CERKL: variants seen among roughly 807,000 people sequenced by gnomAD.
The protein encoded by CERKL is CERK like autophagy regulator, also known as ceramide kinase-like protein.
In CERKL, 61 loss-of-function variants were observed where a neutral mutation model predicts 63.4. The ratio of observed to expected loss-of-function variants is 0.96; its 90% CI spans 0.78 to 1.19. The LOEUF (loss-of-function observed/expected upper bound fraction) is 1.19, where lower values mean the gene tolerates loss of function less well. CERKL is among the 50% of genes most tolerant of loss of function. CERKL has a pLI of 0.00. For missense variants in CERKL, 675 were observed against 655.5 expected, an observed-to-expected ratio of 1.03 and a Z score of -0.33; for synonymous variants, 250 against 230.5, an observed-to-expected ratio of 1.08 and a Z score of -0.77.
chr2:181,646,518 T>G (rs1256105813), intron 1 of CERKL, among the ~76,000 whole-genome samples: 1 of 152,338 alleles, frequency 6.6e-6, no homozygotes, highest in East Asian at 1.9e-4. Flanking sequence ...TCTTGTAAAC[T>G]TACTAAATAT....
chr2:181,554,340 C>T (rs1378537629), intron 5 of CERKL, among the ~76,000 whole-genome samples: 2 of 152,022 alleles, frequency 1.3e-5, no homozygotes, highest in African/African-American at 2.4e-5. Context: ...CTCATGAAAA[C>T]GGCACCTACA....
chr2:181,650,275 G>A (rs554921206), intron 1 of CERKL, among the ~76,000 whole-genome samples: 6 of 152,236 alleles, frequency 3.9e-5, no homozygotes, highest in Admixed American at 6.5e-5. Context: ...GGTCAGTGAA[G>A]AAATTAAAAA....
At chr2:181,606,803 C>G (rs1359387004) in intron 1 of CERKL, among the ~76,000 whole-genome samples, 1 of 152,114 alleles carries the variant, frequency 6.6e-6, no homozygotes, top group Non-Finnish European at 1.5e-5. Context: ...ACAATCATTA[C>G]TATTACTAAA....
At position 181,538,042 on chromosome 2, in the gene CERKL, T is replaced by TGAAACCATTCCC. The variant is rs1687264759; in HGVS notation, c.*130_*141dup. On this transcript the variant is annotated 3_prime_UTR_variant, in exon 13 of 13. Coordinates refer to ENST00000410087, the MANE Select transcript of CERKL (RefSeq NM_201548.5). ...TGATCTGAGGTGGAACAGTTCATCCTGAAACCATTCCCCCATCCACGGAAA... is the reference window on the plus strand; with the variant it reads ...TGATCTGAGGTGGAACAGTTCATCCTGAAACCATTCCCGAAACCATTCCCCCATCCACGGAAA... 1.1e-5 allele frequency: 8 copies of TGAAACCATTCCC among 700,388 alleles called. 1 individual carries two copies. Among genetic ancestry groups the TGAAACCATTCCC allele is most frequent in the South Asian group, 1.1e-4 (7 of 66,548 alleles). 43.4% of individuals were successfully genotyped at this position (700,388 alleles called of 1,614,324 possible).
chr2:181,548,832 G>T lies in CERKL; in HGVS notation c.921C>A (p.Cys307Ter), dbSNP rs755238456. The T allele has an allele frequency of 6.2e-7, 1 of 1,613,974 alleles. No individual in the cohort carries two copies. Among genetic ancestry groups the T allele is most frequent in the Admixed American group, 1.7e-5 (1 of 59,994 alleles). Residue 307 changes from cysteine to a stop codon, truncating the protein, a stop_gained, in exon 7 of 13, where the codon TGC (cysteine) becomes TGA (stop). Coordinates refer to ENST00000410087, the MANE Select transcript of CERKL (RefSeq NM_201548.5). LOFTEE classifies it high-confidence loss of function. ...GAAGCTTGCCAGCGGTGCTGAAGGT[G>T]CAGACGTCGACCAGCTGTACATGCC... ...IMGHVQLVDVCTFSTAGKLLR... is the reference protein window; with the variant it reads ...IMGHVQLVDV
intron 11 of CERKL, among the ~76,000 whole-genome samples, chr2:181,543,791 C>G (rs1687608888): frequency 6.6e-6 from 1 of 152,036 alleles, no homozygotes; most frequent in Non-Finnish European, 1.5e-5. Flanking sequence ...CGAGACCAGC[C>G]TGACCAACAT....
chr2:181,651,650 C>T (rs1409685799), intron 1 of CERKL, among the ~76,000 whole-genome samples: 1 of 152,120 alleles, frequency 6.6e-6, no homozygotes, highest in East Asian at 1.9e-4. Context: ...ATTCAACATA[C>T]TACTGAAAGT....
At chr2:181,616,316 C>T (rs1362913799) in intron 1 of CERKL, among the ~76,000 whole-genome samples, 1 of 149,816 alleles carries the variant, frequency 6.7e-6, no homozygotes, top group Admixed American at 6.7e-5. Context: ...CAGGTTCACA[C>T]CATTCTCTTG....
chr2:181,631,082 C>T (rs935241435), intron 1 of CERKL, among the ~76,000 whole-genome samples: 1 of 152,112 alleles, frequency 6.6e-6, no homozygotes, highest in African/African-American at 2.4e-5. Context: ...GGATGCAATA[C>T]AGTCTAGGGA....
intron 1 of CERKL, among the ~76,000 whole-genome samples, chr2:181,633,626 T>C (rs1206537237): frequency 6.6e-6 from 1 of 152,104 alleles, no homozygotes; most frequent in East Asian, 1.9e-4. Flanking sequence ...TAGCTGTCTT[T>C]AAAAATGCAA....
Position 181,538,241 on chromosome 2 carries a change from C to T in CERKL, c.1542G>A (p.Leu514=), listed in dbSNP as rs1174147168. The T allele has an allele frequency of 1.3e-6, 2 of 1,570,340 alleles. No individual in the cohort carries two copies. The highest frequency in any genetic ancestry group is 1.1e-5 in the South Asian group (1 of 90,052). ...CATAAAGACTGATAAGTCTTGGATGCAATCTGTAAAGAAAATACATTATTT... is the reference window on the plus strand; with the variant it reads ...CATAAAGACTGATAAGTCTTGGATGTAATCTGTAAAGAAAATACATTATTT... ...MEVASEVHIR[L]HPRLISLYGG... is the part of the protein sequence containing the mutation. The change falls in exon 13 of 13, where the codon TTG becomes TTA. Residue 514 remains leucine (L), a synonymous_variant. Coordinates refer to ENST00000410087, the MANE Select transcript of CERKL (RefSeq NM_201548.5).
At chr2:181,584,412 T>A (rs1684670330) in intron 2 of CERKL, among the ~76,000 whole-genome samples, 1 of 151,916 alleles carries the variant, frequency 6.6e-6, no homozygotes, top group Non-Finnish European at 1.5e-5. Flanking sequence ...CTAGGGAGGT[T>A]GAGGTGGGAG....
chr2:181,556,946 T>A (rs1688237066), intron 5 of CERKL, among the ~76,000 whole-genome samples: 1 of 152,180 alleles, frequency 6.6e-6, no homozygotes, highest in African/African-American at 2.4e-5. Context: ...CTACCTGGGG[T>A]GAGATGATAT....
intron 1 of CERKL, among the ~76,000 whole-genome samples, chr2:181,646,880 C>T (rs1687693774): frequency 6.6e-6 from 1 of 151,952 alleles, no homozygotes; most frequent in Non-Finnish European, 1.5e-5. Flanking sequence ...AAGAGGTGAA[C>T]TAATGGAGAT....
intron 4 of CERKL, among the ~76,000 whole-genome samples, chr2:181,559,690 A>T (rs774390668): frequency 1.1e-4 from 17 of 152,206 alleles, no homozygotes; most frequent in Non-Finnish European, 2.1e-4. Context: ...CAATATATTT[A>T]AAAACACTAT....
chr2:181,611,861 A>G (rs2105905673), intron 1 of CERKL, among the ~76,000 whole-genome samples: 1 of 152,336 alleles, frequency 6.6e-6, no homozygotes, highest in South Asian at 2.1e-4. Flanking sequence ...GCTTATATAA[A>G]TGTCTAATTT....
intron 3 of CERKL, among the ~76,000 whole-genome samples, chr2:181,568,330 T>C (rs1366284541): frequency 6.6e-6 from 1 of 152,124 alleles, no homozygotes; most frequent in Non-Finnish European, 1.5e-5. Flanking sequence ...ATGTATACCT[T>C]CAAATATATT....
intron 11 of CERKL, among the ~76,000 whole-genome samples, chr2:181,543,633 TCTC>T (rs1026176215): frequency 7.2e-5 from 11 of 152,158 alleles, no homozygotes; most frequent in Non-Finnish European, 1.0e-4. Flanking sequence ...CTGGGTTTAC[TCTC>T]CTCCTCCTCC....
intron 1 of CERKL, among the ~76,000 whole-genome samples, chr2:181,604,414 G>C (rs772025742): frequency 2.6e-5 from 4 of 152,126 alleles, no homozygotes; most frequent in Non-Finnish European, 5.9e-5. Context: ...TAATTTTATG[G>C]ATTGCCCTTT....
Sources: gnomAD v4.1 joint callset for allele counts (sites outside exome capture counted in the v4.1 genomes callset) on GRCh38, gnomAD v4.1.1 for gene constraint, MANE v1.5 for transcripts, NCBI Gene and HGNC (gene_info 2026-07-23, HGNC 2026-07-21) for gene names.